Variants in TYW1 observed in about 807,000 individuals in gnomAD.
TYW1 encodes S-adenosyl-L-methionine-dependent tRNA 4-demethylwyosine synthase TYW1.
In TYW1, 46 loss-of-function variants were observed where a neutral mutation model predicts 96.2. The ratio of observed to expected loss-of-function variants is 0.48; its 90% CI spans 0.38 to 0.61. The LOEUF is 0.61. Among genes scored for constraint, TYW1 ranks in the 20% least tolerant of loss-of-function variants. The pLI is 0.00. For missense variants in TYW1, 684 were observed against 909.6 expected (o/e 0.75, Z 3.19); for synonymous variants, 274 against 323.0 (o/e 0.85, Z 1.63).
chr7:67,128,021 G>A (rs1797956587), intron 13 of TYW1, among the ~76,000 whole-genome samples: 3 of 152,002 alleles, frequency 2.0e-5, no homozygotes, highest in Admixed American at 2.0e-4. Flanking sequence ...CTTATCTATA[G>A]TTTTTCTGAC....
chr7:67,139,683 C>G, intron 13 of TYW1, among the ~76,000 whole-genome samples: 1 of 151,166 alleles, frequency 6.6e-6, no homozygotes, highest in Admixed American at 6.6e-5. Context: ...TGAAGGAACC[C>G]AGAAATACAG....
chr7:67,126,867 G>T (rs1366968356), intron 13 of TYW1, among the ~76,000 whole-genome samples: 1 of 152,092 alleles, frequency 6.6e-6, no homozygotes, highest in Non-Finnish European at 1.5e-5. Context: ...CATTTCAGGG[G>T]ATTTGATATA....
intron 15 of TYW1, among the ~76,000 whole-genome samples, chr7:67,211,151 TGTG>T (rs1169391598): frequency 4.7e-5 from 1 of 21,348 alleles, no homozygotes; most frequent in Non-Finnish European, 8.1e-5. Flanking sequence ...CCATCAACAT[TGTG>T]TGTGTGTGTG....
intron 13 of TYW1, among the ~76,000 whole-genome samples, chr7:67,168,667 C>A (rs1313586827): frequency 6.6e-6 from 1 of 152,084 alleles, no homozygotes; most frequent in African/African-American, 2.4e-5. Flanking sequence ...CAAATAGTAC[C>A]TCATTCCTAG....
chr7:67,027,929 C>CAA (rs5884602), intron 7 of TYW1, among the ~76,000 whole-genome samples: 110 of 122,264 alleles, frequency 9.0e-4, no homozygotes, highest in Middle Eastern at 9.3e-3. Context: ...GACTCCATCT[C>CAA]AAAAAAAAAA....
At chr7:67,204,675 A>C (rs4718477) in intron 15 of TYW1, among the ~76,000 whole-genome samples, 1 of 150,140 alleles carries the variant, frequency 6.7e-6, no homozygotes, top group African/African-American at 2.4e-5. Flanking sequence ...GCTCACTGCA[A>C]CCTCCACCTC....
intron 15 of TYW1, among the ~76,000 whole-genome samples, chr7:67,235,960 G>A (rs1801875369): frequency 6.7e-6 from 1 of 149,742 alleles, no homozygotes. Flanking sequence ...CCTGGGTGAT[G>A]GCATATGTTG....
At chr7:67,183,943 T>G (rs1004136892) in intron 14 of TYW1, among the ~76,000 whole-genome samples, 8 of 152,126 alleles carry the variant, frequency 5.3e-5, no homozygotes, top group Non-Finnish European at 1.2e-4. Context: ...TCCTCCTGCC[T>G]CAGCCTCCTG....
intron 7 of TYW1, among the ~76,000 whole-genome samples, chr7:67,045,580 A>G (rs1394694941): frequency 1.3e-5 from 2 of 152,204 alleles, no homozygotes; most frequent in Admixed American, 6.6e-5. Context: ...CTTTATTACT[A>G]TTATTCTGTA....
chr7:67,064,830 A>G (rs1462340241), intron 9 of TYW1, among the ~76,000 whole-genome samples: 3 of 152,234 alleles, frequency 2.0e-5, no homozygotes, highest in African/African-American at 4.8e-5. Flanking sequence ...GAGCAATTAG[A>G]TAACCATAGG....
chr7:67,082,238 A>ATG (rs1796412833), intron 10 of TYW1, among the ~76,000 whole-genome samples: 3 of 152,154 alleles, frequency 2.0e-5, no homozygotes, highest in Admixed American at 6.6e-5. Flanking sequence ...CTGGTATAAC[A>ATG]GTCACCCCTT....
intron 3 of TYW1, among the ~76,000 whole-genome samples, chr7:67,000,300 A>C (rs1214578727): frequency 2.6e-5 from 4 of 151,458 alleles, no homozygotes; most frequent in Non-Finnish European, 5.9e-5. Context: ...TATTTTAAAA[A>C]AATTTATTTT....
intron 15 of TYW1, among the ~76,000 whole-genome samples, chr7:67,208,143 T>G (rs73142680): frequency 6.6e-6 from 1 of 151,408 alleles, no homozygotes; most frequent in African/African-American, 2.4e-5. Context: ...GCCTGGGCAA[T>G]GTAATGAAAC....
chr7:67,035,210 C>T (rs1794797160), intron 7 of TYW1, among the ~76,000 whole-genome samples: 1 of 151,686 alleles, frequency 6.6e-6, no homozygotes, highest in Non-Finnish European at 1.5e-5. Flanking sequence ...CTTCCGCCTC[C>T]CAGTTTTAAG....
chr7:67,195,283 T>C lies in TYW1; in HGVS notation c.1923T>C (p.Tyr641=). 1 of 1,611,876 alleles carries C rather than the reference T, an allele frequency of 6.2e-7. No homozygotes were observed. The highest frequency in any genetic ancestry group is 8.5e-7 in the Non-Finnish European group (1 of 1,178,890). Residue 641 remains tyrosine (Y), a synonymous_variant, in exon 15 of 16, where the codon TAT becomes TAC. Transcript: ENST00000359626. ...VHELVDLIPE[Y]EIACEHEHSN... is the part of the protein sequence containing the mutation. ...AGTTGGTGGATCTGATCCCCGAATA[T>C]GAAATTGCATGTGAACACGAACACT... is the stretch of plus-strand genomic sequence containing the variant.
At chr7:67,105,774 A>G (rs1354304282) in intron 12 of TYW1, among the ~76,000 whole-genome samples, 4 of 152,218 alleles carry the variant, frequency 2.6e-5, no homozygotes, top group African/African-American at 9.6e-5. Flanking sequence ...ACATAGTCCC[A>G]GAAAAATGGA....
intron 4 of TYW1, among the ~76,000 whole-genome samples, chr7:67,013,252 A>G (rs1173763123): frequency 1.3e-5 from 2 of 151,784 alleles, no homozygotes; most frequent in African/African-American, 4.8e-5. Flanking sequence ...CCTCCCGAGT[A>G]GCTGGAACTA....
chr7:67,232,497 C>T (rs1362266076), intron 15 of TYW1, among the ~76,000 whole-genome samples: 6 of 148,474 alleles, frequency 4.0e-5, no homozygotes, highest in South Asian at 2.2e-4. Context: ...GCCGAGATTG[C>T]GCCACTGCAC....
At chr7:67,193,033 A>T (rs560287189) in intron 14 of TYW1, among the ~76,000 whole-genome samples, 68 of 152,322 alleles carry the variant, frequency 4.5e-4, no homozygotes, top group African/African-American at 1.4e-3. Flanking sequence ...GATGTCAGCA[A>T]GCTCTTTCTA....
Sources: gnomAD v4.1 joint callset for allele counts (sites outside exome capture counted in the v4.1 genomes callset) on GRCh38, gnomAD v4.1.1 for gene constraint, MANE v1.5 for transcripts, NCBI Gene and HGNC (gene_info 2026-07-23, HGNC 2026-07-21) for gene names.